FBXL20: variants seen among roughly 807,000 people sequenced by gnomAD.
FBXL20 encodes F-box and leucine rich repeat protein 20.
FBXL20 carries 11 observed loss-of-function variants against 64.0 expected under a neutral mutation model. That is an observed-to-expected ratio of 0.17 (90% CI 0.11 to 0.28). The LOEUF (loss-of-function observed/expected upper bound fraction) is 0.28, where lower values mean the gene tolerates loss of function less well. Ranked by LOEUF, FBXL20 falls within the 10% of genes least tolerant of loss-of-function variation. The probability of loss-of-function intolerance (pLI) is 1.00; values close to 1 mark genes in which losing one functional copy is unlikely to be tolerated. For synonymous variants in FBXL20, 184 were observed against 189.0 expected, an observed-to-expected ratio of 0.97 and a Z score of 0.22; for missense variants, 303 against 526.2, an observed-to-expected ratio of 0.58 and a Z score of 4.15.
intron 13 of FBXL20, 102 bp from the exon 14 acceptor site, chr17:39,264,489 G>A (rs2046774800): frequency 8.0e-7 from 1 of 1,254,584 alleles, no homozygotes. Flanking sequence ...GTTTGATTTT[G>A]ATGAATATGG....
intron 2 of FBXL20, among the ~76,000 whole-genome samples, chr17:39,314,759 C>CAGTTTGTG: frequency 6.6e-6 from 1 of 150,836 alleles, no homozygotes; most frequent in African/African-American, 2.4e-5. Flanking sequence ...TTCTCACGAG[C>CAGTTTGTG]AGTTTGTGAG....
chr17:39,390,654 G>A (rs2048125424), intron 1 of FBXL20, among the ~76,000 whole-genome samples: 1 of 152,096 alleles, frequency 6.6e-6, no homozygotes, highest in Non-Finnish European at 1.5e-5. Flanking sequence ...CTGGGCCCCA[G>A]AGGTCAAGGC....
chr17:39,377,490 T>A (rs1049149784), intron 1 of FBXL20, among the ~76,000 whole-genome samples: 4 of 149,798 alleles, frequency 2.7e-5, no homozygotes, highest in African/African-American at 9.9e-5. Flanking sequence ...TTGCAATTCC[T>A]GTCTTTTTTG....
At position 39,284,945 on chromosome 17, in the gene FBXL20, TTTG is replaced by T. The variant is rs2046976179; in HGVS notation, c.494+530_494+532del. Among the ~76,000 whole-genome samples the T allele has an allele frequency of 2.9e-4, 4 of 13,910 alleles. No homozygotes were observed. In the South Asian group the frequency reaches 9.1e-3, roughly 32 times the overall value. 9.1% of individuals were successfully genotyped at this position (13,910 alleles called of 152,430 possible). A position where few individuals can be genotyped will look rare whatever the true frequency, so the allele number is the denominator to read the frequency against. On this transcript the variant is annotated intron_variant, in intron 7 of 14. Transcript: ENST00000264658. ...AACACGTGCCCTTTCTTTCTTTTTT[TTTG>T]TTTTTTTTGAGACAGAGTCTCACTC...
chr17:39,401,755 G>A (rs996843745), upstream of FBXL20: 35 of 1,073,168 alleles, frequency 3.3e-5, no homozygotes, highest in Non-Finnish European at 3.8e-5. Flanking sequence ...GAGCGCGGCG[G>A]CGGCGGCGCG....
intron 2 of FBXL20, among the ~76,000 whole-genome samples, chr17:39,318,666 G>A (rs566487677): frequency 1.4e-3 from 206 of 152,162 alleles, no homozygotes; most frequent in Admixed American, 2.6e-3. Context: ...CTTGAACCAG[G>A]GAGGCGAAGG....
At chr17:39,282,972 A>G in intron 7 of FBXL20, 117 bp from the exon 8 acceptor site, 1 of 1,178,302 alleles carries the variant, frequency 8.5e-7, no homozygotes, top group Non-Finnish European at 1.2e-6. Context: ...TTTTCCCACA[A>G]GAAAAAACAT....
intron 1 of FBXL20, among the ~76,000 whole-genome samples, chr17:39,361,271 G>A (rs1341725806): frequency 6.6e-6 from 1 of 152,040 alleles, no homozygotes; most frequent in East Asian, 1.9e-4. Context: ...AGCAGATTGA[G>A]CTGCCAAGTT....
rs13340960 is a variant in FBXL20, at chr17:39,378,549, G to C, written c.42+22812C>G. 6.6e-5 allele frequency among the ~76,000 whole-genome samples: 10 copies of C among 151,880 alleles called. No individual in the cohort carries two copies. In the East Asian group the frequency reaches 7.7e-4, roughly 12 times the overall value. On this transcript the variant is annotated intron_variant, in intron 1 of 14. Transcript: ENST00000264658. ...AAAAGATGGTCAACATCATTCATTAGACAATTACAAAGCAAAAACACAATG... is the reference window on the plus strand; with the variant it reads ...AAAAGATGGTCAACATCATTCATTACACAATTACAAAGCAAAAACACAATG...
intron 2 of FBXL20, among the ~76,000 whole-genome samples, chr17:39,341,467 G>T (rs1000121380): frequency 1.3e-5 from 2 of 152,158 alleles, no homozygotes; most frequent in Non-Finnish European, 2.9e-5. Flanking sequence ...AGAGGCAGAG[G>T]TCATGCTGGA....
intron 2 of FBXL20, among the ~76,000 whole-genome samples, chr17:39,314,749 T>C (rs2047268720): frequency 6.6e-6 from 1 of 151,922 alleles, no homozygotes; most frequent in East Asian, 1.9e-4. Flanking sequence ...GTAGTGTACA[T>C]TCTCACGAGC....
rs569965786 is a variant in FBXL20 at position 39,255,440 on chromosome 17, A to T, written c.*6020T>A. ...AAACAGAGCGAGACTCTGTCTCAAA[A>T]ATAAATAAATAAATAAATACAACAG... is the stretch of plus-strand genomic sequence containing the variant. On this transcript the variant is annotated 3_prime_UTR_variant, in exon 15 of 15. Coordinates refer to ENST00000264658, the MANE Select transcript of FBXL20 (RefSeq NM_032875.3). The T allele has an allele frequency of 6.6e-6, 1 of 152,062 alleles. No individual in the cohort carries two copies. The highest frequency in any genetic ancestry group is 2.4e-5 in the African/African-American group (1 of 41,486). The allele number at this position is 152,062 out of a possible 1,614,324, so 9.4% of individuals were successfully genotyped here.
chr17:39,377,523 C>A (rs7221117), intron 1 of FBXL20, among the ~76,000 whole-genome samples: 67 of 149,102 alleles, frequency 4.5e-4, no homozygotes, highest in African/African-American at 1.5e-3. Flanking sequence ...TTTTTTGAGA[C>A]GGAGTCTTGC....
At chr17:39,320,595 T>C (rs546313283) in intron 2 of FBXL20, among the ~76,000 whole-genome samples, 69 of 150,412 alleles carry the variant, frequency 4.6e-4, no homozygotes, top group Admixed American at 1.6e-3. Context: ...AGTATGAATT[T>C]TTTTTTTTTT....
chr17:39,298,854 G>A, intron 5 of FBXL20, 136 bp downstream of exon 5: 1 of 684,208 alleles, frequency 1.5e-6, no homozygotes, highest in Non-Finnish European at 2.5e-6. Flanking sequence ...CTTATTACTG[G>A]ATATTTTCAG....
chr17:39,279,819 G>T (rs1430819979), intron 9 of FBXL20, among the ~76,000 whole-genome samples: 1 of 151,992 alleles, frequency 6.6e-6, no homozygotes, highest in African/African-American at 2.4e-5. Flanking sequence ...AATCACTTGA[G>T]CCCGGGAGGT....
At chr17:39,319,526 A>C (rs1005685930) in intron 2 of FBXL20, among the ~76,000 whole-genome samples, 7 of 152,056 alleles carry the variant, frequency 4.6e-5, no homozygotes, top group African/African-American at 7.2e-5. Flanking sequence ...CTCTACTAAA[A>C]ATACAAAAAT....
chr17:39,336,939 A>G (rs2047527962), intron 2 of FBXL20, among the ~76,000 whole-genome samples: 3 of 150,890 alleles, frequency 2.0e-5, no homozygotes, highest in African/African-American at 7.4e-5. Context: ...TAAAAATAAT[A>G]AACGACCTCT....
intron 6 of FBXL20, among the ~76,000 whole-genome samples, chr17:39,293,195 T>C (rs2047056127): frequency 6.6e-6 from 1 of 151,976 alleles, no homozygotes; most frequent in Non-Finnish European, 1.5e-5. Flanking sequence ...GAGCTGTGTT[T>C]TGGCAGGCAG....
Sources: allele counts gnomAD v4.1 joint callset (sites outside exome capture counted in the v4.1 genomes callset), GRCh38; gene constraint gnomAD v4.1.1; transcripts MANE v1.5; gene names NCBI Gene and HGNC (gene_info 2026-07-23, HGNC 2026-07-21).